ZNF518A: variants seen among roughly 807,000 people sequenced by gnomAD.
ZNF518A encodes the protein zinc finger protein 518.
A neutral mutation model predicts 102.7 loss-of-function variants in ZNF518A; 47 were observed. The observed-to-expected ratio is 0.46, with a 90% CI of 0.36 to 0.58. The LOEUF (loss-of-function observed/expected upper bound fraction) is 0.58, where lower values mean the gene tolerates loss of function less well. Ranked by LOEUF, ZNF518A falls within the 20% of genes least tolerant of loss-of-function variation. The probability of loss-of-function intolerance (pLI) is 0.00; values close to 1 mark genes in which losing one functional copy is unlikely to be tolerated. For missense variants in ZNF518A, 1,793 were observed against 1,699.8 expected (o/e 1.05, Z -0.96); for synonymous variants, 652 against 594.6 (o/e 1.10, Z -1.40).
At chr10:96,204,010 C>T (rs2083727801) in exon 3 of ZNF518A, 2 of 1,547,750 alleles carry the variant, frequency 1.3e-6, no homozygotes, top group Admixed American at 1.7e-5. Context: ...CTCTAGGATC[C>T]AGCCTCGACC....
At chr10:96,154,409 C>G (rs587767519) in intron 3 of ZNF518A, among the ~76,000 whole-genome samples, 51 of 151,466 alleles carry the variant, frequency 3.4e-4, no homozygotes, top group African/African-American at 1.2e-3. Context: ...GTTTCTTTCT[C>G]CTCCCTCCCT....
In ZNF518A at chr10:96,159,585, T is replaced by A. The variant is rs1554886285; in HGVS notation, c.3263T>A (p.Ile1088Asn). ...GATTCAGTAAAACAGCAGAATGAGA[T>A]TTTTCCAAAACCACCTCTTTATACC... is the stretch of plus-strand genomic sequence containing the variant. ...ISDSVKQQNE[I>N]FPKPPLYTFL... Residue 1088 changes from isoleucine (I) to asparagine (N), a missense_variant, in exon 6 of 6, where the codon ATT (isoleucine) becomes AAT (asparagine). Ile to Asn is a moderately radical substitution (Grantham distance 149). Transcript: ENST00000316045. 6.2e-7 allele frequency: 1 copy of A among 1,613,822 alleles called. No individual in the cohort carries two copies. The highest frequency in any genetic ancestry group is 2.2e-5 in the East Asian group (1 of 44,874).
intron 3 of ZNF518A, among the ~76,000 whole-genome samples, chr10:96,140,914 A>C (rs2081890863): frequency 6.6e-6 from 1 of 152,102 alleles, no homozygotes; most frequent in South Asian, 2.1e-4. Context: ...GCAGCACTTC[A>C]GCCTGGGAGA....
chr10:96,136,513 A>G (rs1221305087), intron 3 of ZNF518A, among the ~76,000 whole-genome samples: 2 of 151,628 alleles, frequency 1.3e-5, no homozygotes, highest in African/African-American at 4.8e-5. Flanking sequence ...AGATGTAAAA[A>G]CATTTAAAGG....
chr10:96,153,599 A>T (rs1344539257), intron 3 of ZNF518A, among the ~76,000 whole-genome samples: 8 of 152,226 alleles, frequency 5.3e-5, no homozygotes, highest in Admixed American at 4.6e-4. Flanking sequence ...ATTCAGCTTT[A>T]TTTAAGTTAC....
At chr10:96,145,812 T>C (rs1267140336) in intron 3 of ZNF518A, among the ~76,000 whole-genome samples, 1 of 152,268 alleles carries the variant, frequency 6.6e-6, no homozygotes, top group Non-Finnish European at 1.5e-5. Context: ...ATGCCACTTT[T>C]TCATAAAGTT....
At chr10:96,146,482 G>A (rs1290855213) in intron 3 of ZNF518A, among the ~76,000 whole-genome samples, 1 of 151,568 alleles carries the variant, frequency 6.6e-6, no homozygotes, top group Non-Finnish European at 1.5e-5. Context: ...TTTGCAATCT[G>A]ATTAGCAGAA....
chr10:96,136,599 C>T (rs587758990), intron 3 of ZNF518A, among the ~76,000 whole-genome samples: 7 of 151,666 alleles, frequency 4.6e-5, no homozygotes, highest in East Asian at 4.0e-4. Flanking sequence ...CTGGGAGGAT[C>T]GCTTGAGCCC....
chr10:96,170,368 C>G (rs1554890780), intron 1 of ZNF518A, among the ~76,000 whole-genome samples: 1 of 152,158 alleles, frequency 6.6e-6, no homozygotes. Flanking sequence ...TAAAGACAGG[C>G]CTTCTGAGCT....
At chr10:96,174,978 C>T (rs1373811378) in intron 1 of ZNF518A, among the ~76,000 whole-genome samples, 1 of 152,012 alleles carries the variant, frequency 6.6e-6, no homozygotes, top group African/African-American at 2.4e-5. Context: ...TTTTTTTTCT[C>T]TGCCATGAGG....
At chr10:96,184,598 ATTC>A in intron 1 of ZNF518A, among the ~76,000 whole-genome samples, 1 of 152,280 alleles carries the variant, frequency 6.6e-6, no homozygotes. Flanking sequence ...TGGGTTGAAA[ATTC>A]TTTTCTTTAA....
Position 96,174,979 on chromosome 10 carries a change from T to C in ZNF518A, n.35+18932T>C, listed in dbSNP as rs191599404. ...AAGGGACAGCATAATTTTTTTTCTC[T>C]GCCATGAGGATACAACAGGAAGTCC... is the stretch of plus-strand genomic sequence containing the variant. On this transcript the variant is annotated intron_variant and non_coding_transcript_variant, in intron 1 of 2. Coordinates refer to the ZNF518A transcript ENST00000442635. 4.6e-5 allele frequency among the ~76,000 whole-genome samples: 7 copies of C among 152,252 alleles called. 1 individual carries two copies. The East Asian group carries it at 1.4e-3, about 29-fold the overall frequency.
At chr10:96,192,241 T>C (rs1461468370) in intron 1 of ZNF518A, 2 of 1,123,382 alleles carry the variant, frequency 1.8e-6, no homozygotes, top group East Asian at 5.2e-5. Context: ...TAACAAAGGC[T>C]GTAACCTTCA....
chr10:96,196,807 T>G, intron 1 of ZNF518A: 1 of 1,197,446 alleles, frequency 8.4e-7, no homozygotes, highest in Non-Finnish European at 1.2e-6. Flanking sequence ...GAACAAGTAC[T>G]TTTGTATCCT....
In ZNF518A at chr10:96,150,228, G is replaced by T. The variant is rs587741054; in HGVS notation, c.-301-5098G>T. Among the ~76,000 whole-genome samples, 5 of 151,858 alleles carry T rather than the reference G, an allele frequency of 3.3e-5. No individual in the cohort carries two copies. In the East Asian group the frequency reaches 5.8e-4, roughly 18 times the overall value. On this transcript the variant is annotated intron_variant, in intron 3 of 5. Transcript: ENST00000316045. ...GGGCTCCTGTAGTCCCAGCTATTCG[G>T]GAGGCTGAGGCAGGAGAATGGTGTG...
intron 1 of ZNF518A, among the ~76,000 whole-genome samples, chr10:96,181,587 A>ATTTG (rs1197655492): frequency 4.6e-5 from 7 of 152,204 alleles, no homozygotes; most frequent in African/African-American, 1.7e-4. Flanking sequence ...TCCCAGCACC[A>ATTTG]TTAATTAGGG....
chr10:96,139,941 C>T (rs1465506727), intron 3 of ZNF518A, among the ~76,000 whole-genome samples: 1 of 151,150 alleles, frequency 6.6e-6, no homozygotes, highest in Non-Finnish European at 1.5e-5. Flanking sequence ...TGACTGCAAC[C>T]TCCACCTCCC....
chr10:96,198,750 G>T (rs1401345032), intron 1 of ZNF518A, among the ~76,000 whole-genome samples: 1 of 152,232 alleles, frequency 6.6e-6, no homozygotes, highest in Non-Finnish European at 1.5e-5. Flanking sequence ...CCAGGCTGGA[G>T]AGCAGTGGCA....
At chr10:96,179,016 T>C (rs2083222598) in intron 1 of ZNF518A, among the ~76,000 whole-genome samples, 1 of 152,098 alleles carries the variant, frequency 6.6e-6, no homozygotes, top group Admixed American at 6.5e-5. Flanking sequence ...CACAAATTCT[T>C]TCAAAAAATA....
Sources: gnomAD v4.1 joint callset for allele counts (sites outside exome capture counted in the v4.1 genomes callset) on GRCh38, gnomAD v4.1.1 for gene constraint, MANE v1.5 for transcripts, NCBI Gene and HGNC (gene_info 2026-07-23, HGNC 2026-07-21) for gene names.